The following VPS13B variants were observed in gnomAD, a reference collection of about 807,000 sequenced individuals.
VPS13B encodes intermembrane lipid transfer protein VPS13B.
Under a neutral mutation model 426.4 loss-of-function variants are expected in VPS13B, and 285 were observed. The ratio of observed to expected loss-of-function variants is 0.67; its 90% CI spans 0.61 to 0.74. VPS13B has a LOEUF of 0.74. VPS13B is among the 30% of genes least tolerant of loss of function. The pLI, the probability that VPS13B is intolerant of heterozygous loss-of-function variation, is 0.00. For synonymous variants in VPS13B, 1,676 were observed against 1,676.4 expected, an observed-to-expected ratio of 1.00 and a Z score of 0.01; for missense variants, 4,537 against 4,782.6, an observed-to-expected ratio of 0.95 and a Z score of 1.51.
At chr8:99,545,510 A>G (rs1823921215) in intron 30 of VPS13B, among the ~76,000 whole-genome samples, 1 of 152,276 alleles carries the variant, frequency 6.6e-6, no homozygotes, top group South Asian at 2.1e-4. Flanking sequence ...TTAATTTTAA[A>G]GAGACATATA....
intron 16 of VPS13B, among the ~76,000 whole-genome samples, chr8:99,185,071 G>C (rs1179126011): frequency 6.6e-6 from 1 of 152,196 alleles, no homozygotes; most frequent in Non-Finnish European, 1.5e-5. Flanking sequence ...TGAAAATTCA[G>C]CGTGATATCA....
At chr8:99,402,083 C>G (rs1815068111) in intron 21 of VPS13B, among the ~76,000 whole-genome samples, 1 of 152,152 alleles carries the variant, frequency 6.6e-6, no homozygotes, top group Non-Finnish European at 1.5e-5. Flanking sequence ...GAGAAAACCT[C>G]TCATGTAAAG....
chr8:99,165,776 T>C (rs1811966940), intron 15 of VPS13B, among the ~76,000 whole-genome samples: 1 of 152,192 alleles, frequency 6.6e-6, no homozygotes. Flanking sequence ...TTTCAGTGTA[T>C]ACCCTCCAGC....
intron 36 of VPS13B, among the ~76,000 whole-genome samples, chr8:99,710,993 G>C (rs1450885018): frequency 2.6e-5 from 4 of 152,130 alleles, no homozygotes; most frequent in Non-Finnish European, 5.9e-5. Context: ...GACAGAGTGA[G>C]ACTCTGCCTC....
chr8:99,270,129 A>ATTTTTTTTTTTT (rs1370378172), intron 17 of VPS13B, among the ~76,000 whole-genome samples: 8 of 16,828 alleles, frequency 4.8e-4, no homozygotes, highest in Admixed American at 3.8e-3. Flanking sequence ...AGATATAAGA[A>ATTTTTTTTTTTT]TCTTTTTTTT....
chr8:99,795,677 G>A (rs1812769170), intron 43 of VPS13B, among the ~76,000 whole-genome samples: 1 of 152,104 alleles, frequency 6.6e-6, no homozygotes, highest in South Asian at 2.1e-4. Context: ...ACATCACATG[G>A]AGCTGCACTC....
At chr8:99,698,059 C>G in intron 35 of VPS13B, 1 of 347,254 alleles carries the variant, frequency 2.9e-6, no homozygotes. Flanking sequence ...GCCCCACTGC[C>G]CTGGCGAGGG....
chr8:99,727,203 T>C (rs1031794640), intron 39 of VPS13B, among the ~76,000 whole-genome samples: 9 of 152,080 alleles, frequency 5.9e-5, no homozygotes, highest in Admixed American at 5.2e-4. Context: ...TTCACTTATA[T>C]GTAAAAAATT....
At position 99,115,942 on chromosome 8, in the gene VPS13B, CTT is replaced by C. The variant is rs1188013093; in HGVS notation, c.937+70_937+71del. ...ATTCTTACGTTTTACCATTGGGAAA[CTT>C]TAAAAAATGTATTAGCTTGAGTTTT... On this transcript the variant is annotated intron_variant, in intron 7 of 61. Transcript: ENST00000357162. The C allele has an allele frequency of 4.6e-6, 7 of 1,524,076 alleles. No homozygotes were observed. In the African/African-American group the frequency reaches 9.7e-5, roughly 21 times the overall value. The allele number at this position is 1,524,076 out of a possible 1,614,324, so 94.4% of individuals were successfully genotyped here. A position where few individuals can be genotyped will look rare whatever the true frequency, so the allele number is the denominator to read the frequency against.
chr8:99,729,833 C>G (rs1034434561), intron 39 of VPS13B, among the ~76,000 whole-genome samples: 1 of 152,078 alleles, frequency 6.6e-6, no homozygotes, highest in Non-Finnish European at 1.5e-5. Context: ...TGTTCTGAGT[C>G]AGATAGTAAT....
At chr8:99,257,765 C>A (rs1027113553) in intron 17 of VPS13B, among the ~76,000 whole-genome samples, 1 of 151,068 alleles carries the variant, frequency 6.6e-6, no homozygotes. Context: ...TTTTAAATGA[C>A]CTCATTTGAT....
rs146981758 is a variant in VPS13B at position 99,737,980 on chromosome 8, G to A, written c.7050+16933G>A. ...ATACCCACCAAAGGGCATTTCCAGT[G>A]AAGAGAGATGACCAATTTGGTTGTG... On this transcript the variant is annotated intron_variant, in intron 39 of 61. Coordinates refer to ENST00000357162, the MANE Select transcript of VPS13B (RefSeq NM_152564.5). 6.3e-3 allele frequency among the ~76,000 whole-genome samples: 960 copies of A among 152,312 alleles called. 8 individuals carry two copies. The highest frequency in any genetic ancestry group is 0.022 in the African/African-American group (902 of 41,554).
At chr8:99,871,417 C>G in intron 60 of VPS13B, 31 bp from the exon 61 acceptor site, 2 of 1,613,908 alleles carry the variant, frequency 1.2e-6, no homozygotes, top group Non-Finnish European at 8.5e-7. Flanking sequence ...TCACAGCTGG[C>G]CCCTGGCCTC....
At chr8:99,156,333 C>CA (rs1286893971) in intron 14 of VPS13B, among the ~76,000 whole-genome samples, 3 of 152,060 alleles carry the variant, frequency 2.0e-5, no homozygotes, top group Non-Finnish European at 2.9e-5. Context: ...GATAATTTTG[C>CA]AAAAAATATG....
intron 17 of VPS13B, among the ~76,000 whole-genome samples, chr8:99,202,218 A>G (rs185970196): frequency 1.3e-4 from 20 of 152,328 alleles, no homozygotes; most frequent in African/African-American, 4.3e-4. Context: ...AAATAGGATA[A>G]TGAATAGATA....
Position 99,720,967 on chromosome 8 carries a change from C to G in VPS13B, c.6970C>G (p.Leu2324Val), listed in dbSNP as rs2130343510. 1.9e-6 allele frequency: 3 copies of G among 1,613,980 alleles called. No homozygotes were observed. Among genetic ancestry groups the G allele is most frequent in the Non-Finnish European group, 1.7e-6 (2 of 1,179,922 alleles). Residue 2324 changes from leucine (L) to valine (V), a missense_variant, in exon 39 of 62, where the codon CTT (leucine) becomes GTT (valine). By Grantham distance (32) the Leu-to-Val change is conservative (BLOSUM62 1). Transcript: ENST00000357162. ...ATATCCAGAACCTAGAGTACTCACC[C>G]TTGTACGAATAACTCCTGTACCTTT... ...WRYPEPRVLT[L>V]VRITPVPFNT...
At chr8:99,047,350 T>C (rs1018078984) in intron 3 of VPS13B, among the ~76,000 whole-genome samples, 3 of 152,208 alleles carry the variant, frequency 2.0e-5, no homozygotes, top group African/African-American at 7.2e-5. Flanking sequence ...TGATCCTTTG[T>C]ATTTCTGTCT....
chr8:99,613,311 A>G lies in VPS13B; in HGVS notation c.5221-28500A>G, dbSNP rs530488061. Among the ~76,000 whole-genome samples, 38 of 152,370 alleles carry G rather than the reference A, an allele frequency of 2.5e-4. No homozygotes were observed. The South Asian group carries it at 7.5e-3, about 30-fold the overall frequency. ...CTCACATAGTACCAGGCCAGTGACC[A>G]ATGATAAATTCTTGTTTTCTAAATC... is the stretch of plus-strand genomic sequence containing the variant. On this transcript the variant is annotated intron_variant, in intron 33 of 61. Coordinates refer to ENST00000357162, the MANE Select transcript of VPS13B (RefSeq NM_152564.5).
intron 56 of VPS13B, among the ~76,000 whole-genome samples, chr8:99,857,229 G>C (rs1191493619): frequency 6.6e-6 from 1 of 152,204 alleles, no homozygotes; most frequent in Admixed American, 6.5e-5. Flanking sequence ...GGGAGGACCT[G>C]CCACTGGCAG....
Sources: gnomAD v4.1 joint callset for allele counts (sites outside exome capture counted in the v4.1 genomes callset) on GRCh38, gnomAD v4.1.1 for gene constraint, MANE v1.5 for transcripts, NCBI Gene and HGNC (gene_info 2026-07-23, HGNC 2026-07-21) for gene names.